Variants in SOX5 observed in about 807,000 individuals in gnomAD.
SOX5 encodes the protein SRY-box transcription factor 5, also known as transcription factor SOX-5.
A neutral mutation model predicts 92.0 loss-of-function variants in SOX5; 9 were observed. The observed-to-expected ratio is 0.10, with a 90% CI of 0.06 to 0.17. The LOEUF (loss-of-function observed/expected upper bound fraction) is 0.17, where lower values mean the gene tolerates loss of function less well. Ranked by LOEUF, SOX5 falls within the 10% of genes least tolerant of loss-of-function variation. The pLI, the probability that SOX5 is intolerant of heterozygous loss-of-function variation, is 1.00. For synonymous variants in SOX5, 344 were observed against 336.3 expected (o/e 1.02, Z -0.25); for missense variants, 642 against 944.5 (o/e 0.68, Z 4.20).
intron 4 of SOX5, among the ~76,000 whole-genome samples, chr12:23,743,860 C>G (rs1279032890): frequency 6.6e-6 from 1 of 152,142 alleles, no homozygotes; most frequent in Non-Finnish European, 1.5e-5. Flanking sequence ...CTAGCCTGTG[C>G]TGTTCAAGGG....
chr12:23,699,039 T>C (rs1467709176), intron 6 of SOX5, among the ~76,000 whole-genome samples: 2 of 152,246 alleles, frequency 1.3e-5, no homozygotes, highest in African/African-American at 2.4e-5. Context: ...GTAGTTTACA[T>C]ACATATGCAC....
rs541812594 is a variant in SOX5 at position 23,756,227 on chromosome 12, T to A, written c.482-503A>T. Among the ~76,000 whole-genome samples, 9 of 147,826 alleles carry A rather than the reference T, an allele frequency of 6.1e-5. No individual in the cohort carries two copies. The East Asian group carries it at 1.6e-3, about 26-fold the overall frequency. On this transcript the variant is annotated intron_variant, in intron 3 of 14. Coordinates refer to ENST00000451604, the MANE Select transcript of SOX5 (RefSeq NM_006940.6). ...ACACTGTGGTAAGATTTGCCAGTAC[T>A]GCGAACATAAAAAAAAACAAAAAAA...
At position 23,979,698 on chromosome 12, in the gene SOX5, GTTTTTTTTGTTTTTTTTTTTTT is replaced by G. The variant is rs1331264661; in HGVS notation, c.-1-83696_-1-83675del. 3.9e-4 allele frequency among the ~76,000 whole-genome samples: 25 copies of G among 64,694 alleles called. 1 individual carries two copies. Among genetic ancestry groups the G allele is most frequent in the African/African-American group, 1.3e-3 (23 of 17,534 alleles). The allele number at this position is 64,694 out of a possible 152,430, so 42.4% of individuals were successfully genotyped here. On this transcript the variant is annotated intron_variant, in intron 4 of 4. Transcript: ENST00000446891. ...TTCTTCCTTCCATATATATATATAT[GTTTTTTTTGTTTTTTTTTTTTT>G]TTTTTTTTTTTTTTGGAGACAGGGC...
At chr12:23,796,312 A>T (rs571969498) in intron 3 of SOX5, among the ~76,000 whole-genome samples, 2 of 152,256 alleles carry the variant, frequency 1.3e-5, no homozygotes, top group Admixed American at 1.3e-4. Flanking sequence ...AAAAGCAGGG[A>T]AAGTAAATGT....
chr12:23,890,213 G>A (rs1333322055), intron 2 of SOX5, among the ~76,000 whole-genome samples: 4 of 151,524 alleles, frequency 2.6e-5, no homozygotes, highest in East Asian at 1.9e-4. Context: ...CTGGCTATTC[G>A]CAAGCCTTAA....
At chr12:24,422,670 T>G (rs1021065080) in intron 1 of SOX5, among the ~76,000 whole-genome samples, 5 of 152,348 alleles carry the variant, frequency 3.3e-5, no homozygotes, top group African/African-American at 1.2e-4. Flanking sequence ...ATATATTGAT[T>G]GCTTGAGGCC....
chr12:23,826,221 G>A (rs2096231302), intron 3 of SOX5, among the ~76,000 whole-genome samples: 1 of 135,306 alleles, frequency 7.4e-6, no homozygotes. Flanking sequence ...TCCCCTTCCT[G>A]TGTCCATGTG....
intron 8 of SOX5, among the ~76,000 whole-genome samples, chr12:23,621,966 G>A (rs1452821339): frequency 6.6e-6 from 1 of 152,072 alleles, no homozygotes; most frequent in East Asian, 1.9e-4. Flanking sequence ...TTTACATCAA[G>A]GAAAGATAGA....
At chr12:23,798,116 G>C (rs2095597966) in intron 3 of SOX5, among the ~76,000 whole-genome samples, 1 of 151,086 alleles carries the variant, frequency 6.6e-6, no homozygotes, top group Non-Finnish European at 1.5e-5. Context: ...TTCCTATATT[G>C]CTTATTGTTA....
intron 4 of SOX5, among the ~76,000 whole-genome samples, chr12:24,056,323 C>T (rs1958098129): frequency 6.6e-6 from 1 of 152,186 alleles, no homozygotes; most frequent in South Asian, 2.1e-4. Flanking sequence ...ACATGAAATG[C>T]TAACTCCTGA....
chr12:24,320,871 A>AATAATAATAAT (rs1565899408), intron 2 of SOX5, among the ~76,000 whole-genome samples: 4 of 148,224 alleles, frequency 2.7e-5, no homozygotes, highest in African/African-American at 1.0e-4. Flanking sequence ...TCTCAAAAAA[A>AATAATAATAAT]AATAATAATA....
At chr12:23,698,021 A>G (rs963235106) in intron 6 of SOX5, among the ~76,000 whole-genome samples, 2 of 152,000 alleles carry the variant, frequency 1.3e-5, no homozygotes, top group Non-Finnish European at 2.9e-5. Context: ...CTTCTTAGGT[A>G]TTTATTTTTG....
At chr12:24,445,642 G>C (rs538300384) in intron 1 of SOX5, among the ~76,000 whole-genome samples, 34 of 152,222 alleles carry the variant, frequency 2.2e-4, no homozygotes, top group Non-Finnish European at 4.1e-4. Context: ...AAATAGGCAA[G>C]ATCATGAAAT....
intron 1 of SOX5, chr12:24,460,693 G>C (rs904010071): frequency 6.6e-6 from 1 of 151,952 alleles, no homozygotes; most frequent in Non-Finnish European, 1.5e-5. Context: ...ATCTTCTCTC[G>C]AGCACTCCCT....
At chr12:23,880,471 A>G (rs556156124) in intron 2 of SOX5, among the ~76,000 whole-genome samples, 3 of 152,328 alleles carry the variant, frequency 2.0e-5, no homozygotes, top group South Asian at 2.1e-4. Context: ...AATTCTTACC[A>G]TATTTCCTAT....
At chr12:24,113,159 T>C (rs1947573027) in intron 4 of SOX5, among the ~76,000 whole-genome samples, 1 of 148,584 alleles carries the variant, frequency 6.7e-6, no homozygotes, top group African/African-American at 2.5e-5. Flanking sequence ...TAATATATAA[T>C]AAAATTATAT....
chr12:24,559,630 T>G (rs1364727829), intron 1 of SOX5, among the ~76,000 whole-genome samples: 1 of 152,122 alleles, frequency 6.6e-6, no homozygotes, highest in Non-Finnish European at 1.5e-5. Flanking sequence ...AATTCATTCC[T>G]TTAACTGGAA....
chr12:23,982,587 G>C (rs1246507062), intron 4 of SOX5, among the ~76,000 whole-genome samples: 1 of 152,048 alleles, frequency 6.6e-6, no homozygotes. Flanking sequence ...ATTCCTTGTA[G>C]TGGTCACTGA....
intron 1 of SOX5, among the ~76,000 whole-genome samples, chr12:24,525,213 C>T (rs1228346124): frequency 7.2e-5 from 11 of 152,160 alleles, no homozygotes; most frequent in Admixed American, 7.2e-4. Flanking sequence ...ATCATTCAGC[C>T]TTTAAAATGA....
Sources: gnomAD v4.1 joint callset for allele counts (sites outside exome capture counted in the v4.1 genomes callset) on GRCh38, gnomAD v4.1.1 for gene constraint, MANE v1.5 for transcripts, NCBI Gene and HGNC (gene_info 2026-07-23, HGNC 2026-07-21) for gene names.